The following ACTR3C variants were observed in gnomAD, a reference collection of about 807,000 sequenced individuals.
ACTR3C encodes the protein actin related protein 3C.
ACTR3C carries 18 observed loss-of-function variants against 26.3 expected under a neutral mutation model. The observed-to-expected ratio is 0.68, with a 90% CI of 0.47 to 1.01. ACTR3C has a LOEUF of 1.01. Among genes scored for constraint, ACTR3C ranks in the 50% least tolerant of loss-of-function variants. ACTR3C has a pLI of 0.00. For synonymous variants in ACTR3C, 55 were observed against 94.5 expected (o/e 0.58, Z 2.42); for missense variants, 184 against 250.7 (o/e 0.73, Z 1.80).
At chr7:150,307,787 A>AC (rs1421869961) in intron 1 of ACTR3C, among the ~76,000 whole-genome samples, 1 of 152,144 alleles carries the variant, frequency 6.6e-6, no homozygotes, top group African/African-American at 2.4e-5. Flanking sequence ...GAGAAAATCC[A>AC]CTTACAACCT....
chr7:150,006,163 T>A, the ACTR3C span, among the ~76,000 whole-genome samples: 7 of 151,886 alleles, frequency 4.6e-5, no homozygotes, highest in Admixed American at 1.3e-4. Flanking sequence ...GGCTTCCCAA[T>A]AAATACGACT....
chr7:150,033,795 CA>C, the ACTR3C span, among the ~76,000 whole-genome samples: 299 of 150,848 alleles, frequency 2.0e-3, no homozygotes, highest in African/African-American at 6.9e-3. Flanking sequence ...TCCTCAGAGC[CA>C]GGGGGGGAAG....
intron 1 of ACTR3C, among the ~76,000 whole-genome samples, chr7:150,307,793 A>G (rs1427291301): frequency 6.6e-6 from 1 of 152,182 alleles, no homozygotes; most frequent in African/African-American, 2.4e-5. Flanking sequence ...ATCCACTTAC[A>G]ACCTCAGGTC....
chr7:150,292,500 A>ATTTTT (rs571206179), intron 3 of ACTR3C, among the ~76,000 whole-genome samples: 20 of 138,234 alleles, frequency 1.4e-4, no homozygotes, highest in Admixed American at 2.9e-4. Context: ...TGGCTTTTAA[A>ATTTTT]TTTTTTTTTT....
At chr7:150,003,593 T>A in the ACTR3C span, among the ~76,000 whole-genome samples, 1 of 152,172 alleles carries the variant, frequency 6.6e-6, no homozygotes, top group Non-Finnish European at 1.5e-5. Flanking sequence ...TGGTATGTAG[T>A]GTGTGGTATG....
chr7:150,197,986 C>A, the ACTR3C span, among the ~76,000 whole-genome samples: 7 of 151,164 alleles, frequency 4.6e-5, no homozygotes, highest in Non-Finnish European at 1.0e-4. Context: ...TGCCGAGTGC[C>A]TGTGATTGCA....
chr7:150,007,224 A>C, the ACTR3C span, among the ~76,000 whole-genome samples: 1 of 152,166 alleles, frequency 6.6e-6, no homozygotes, highest in South Asian at 2.1e-4. Flanking sequence ...CCATGGCCCC[A>C]TGCCTGGAAG....
chr7:150,068,535 G>A, the ACTR3C span, among the ~76,000 whole-genome samples: 1 of 151,918 alleles, frequency 6.6e-6, no homozygotes, highest in Non-Finnish European at 1.5e-5. Flanking sequence ...AGCACTTTGG[G>A]AGGCTGACGC....
At chr7:150,047,808 C>G in the ACTR3C span, 1,353 of 1,531,738 alleles carry the variant, frequency 8.8e-4, 16 homozygotes, top group Admixed American at 0.016. Context: ...GGGGAAGGAC[C>G]TCGAGGTGTT....
chr7:150,148,151 G>T, the ACTR3C span, among the ~76,000 whole-genome samples: 20 of 104,338 alleles, frequency 1.9e-4, no homozygotes, highest in Non-Finnish European at 1.8e-4. Context: ...GAGCTTAAAA[G>T]TTAAAAAAAA....
the ACTR3C span, among the ~76,000 whole-genome samples, chr7:149,983,819 A>G: frequency 4.2e-4 from 64 of 152,310 alleles, no homozygotes; most frequent in South Asian, 1.7e-3. Flanking sequence ...ATCCTGCCAT[A>G]TGCAAAAACA....
At chr7:150,299,477 A>C (rs1282871148) in intron 1 of ACTR3C, among the ~76,000 whole-genome samples, 8 of 146,416 alleles carry the variant, frequency 5.5e-5, no homozygotes, top group African/African-American at 7.7e-5. Context: ...AAAAAAAAAA[A>C]AAAAAAAAAA....
At chr7:150,270,612 A>AC (rs200650524) in intron 6 of ACTR3C, among the ~76,000 whole-genome samples, 23 of 151,106 alleles carry the variant, frequency 1.5e-4, no homozygotes, top group African/African-American at 3.7e-4. Context: ...CATGGGCGCC[A>AC]CCCCCCCGCC....
the ACTR3C span, among the ~76,000 whole-genome samples, chr7:150,172,832 G>T: frequency 0.03 from 4,578 of 150,610 alleles, 621 homozygotes; most frequent in African/African-American, 0.11. Flanking sequence ...TGGTTACAGG[G>T]CCCATGCAAG....
chr7:150,039,003 GGGC>G, the ACTR3C span, among the ~76,000 whole-genome samples: 182 of 74,368 alleles, frequency 2.4e-3, 42 homozygotes, highest in African/African-American at 7.7e-3. Context: ...CAGAGCCGGG[GGGC>G]GGGGAAGAGG....
At chr7:150,184,351 C>T in the ACTR3C span, among the ~76,000 whole-genome samples, 15 of 150,960 alleles carry the variant, frequency 9.9e-5, no homozygotes, top group Admixed American at 8.5e-4. Flanking sequence ...ATACAAGTAT[C>T]GCACATGGCG....
At chr7:149,920,027 G>T in the ACTR3C span, among the ~76,000 whole-genome samples, 1 of 150,298 alleles carries the variant, frequency 6.7e-6, no homozygotes, top group Non-Finnish European at 1.5e-5. Flanking sequence ...AGGTTGAGTC[G>T]GTATTTATTC....
chr7:150,042,592 C>T, the ACTR3C span, among the ~76,000 whole-genome samples: 2 of 147,132 alleles, frequency 1.4e-5, no homozygotes, highest in South Asian at 4.2e-4. Flanking sequence ...GTGCCTCCCC[C>T]CACTGCGATG....
At chr7:150,072,770 C>A in the ACTR3C span, among the ~76,000 whole-genome samples, 19,338 of 151,970 alleles carry the variant, frequency 0.13, 1,249 homozygotes, top group South Asian at 0.23. Flanking sequence ...AACATTTGGG[C>A]TCATGCTGTC....
Sources: gnomAD v4.1 joint callset for allele counts (sites outside exome capture counted in the v4.1 genomes callset) on GRCh38, gnomAD v4.1.1 for gene constraint, MANE v1.5 for transcripts, NCBI Gene and HGNC (gene_info 2026-07-23, HGNC 2026-07-21) for gene names.